ACOX2: variants seen among roughly 807,000 people sequenced by gnomAD.
ACOX2 encodes the protein acyl-CoA oxidase 2.
Under a neutral mutation model 77.5 loss-of-function variants are expected in ACOX2, and 59 were observed. The ratio of observed to expected loss-of-function variants is 0.76; its 90% confidence interval spans 0.62 to 0.95. The LOEUF is 0.95. Among genes scored for constraint, ACOX2 ranks in the 40% least tolerant of loss-of-function variants. ACOX2 has a pLI of 0.00. For missense variants in ACOX2, 837 were observed against 880.4 expected (o/e 0.95, Z 0.62); for synonymous variants, 317 against 340.1 (o/e 0.93, Z 0.75).
Position 58,531,316 on chromosome 3 carries a change from T to A in ACOX2, c.754A>T (p.Asn252Tyr). Residue 252 changes from asparagine to tyrosine, a missense_variant, in exon 7 of 15, where the codon AAT becomes TAT. By Grantham distance (143) the Asn-to-Tyr change is moderately radical. Transcript: ENST00000302819. The surrounding 1 kb of genome is among the most constrained non-coding windows in gnomAD (Gnocchi z 5.8). ...GPKMDFDQTD[N>Y]GFLQLNHVRV... ...ACATGGTTCAGCTGCAGGAAGCCAT[T>A]GTCTGTTTGATCAAAGTCCATCTTG... 3.1e-6 allele frequency: 5 copies of A among 1,613,872 alleles called. No homozygotes were observed. The highest frequency in any genetic ancestry group is 4.2e-6 in the Non-Finnish European group (5 of 1,180,014).
chr3:58,510,575 G>A (rs536441508), intron 13 of ACOX2, among the ~76,000 whole-genome samples: 1 of 137,780 alleles, frequency 7.3e-6, no homozygotes, highest in South Asian at 2.5e-4. Flanking sequence ...AGAGGTTGCA[G>A]TGAGCTGAGA....
chr3:58,514,692 C>T lies in ACOX2; in HGVS notation c.1850+2514G>A, dbSNP rs1020598047. 3.3e-5 allele frequency among the ~76,000 whole-genome samples: 5 copies of T among 152,316 alleles called. No homozygotes were observed. The highest frequency in any genetic ancestry group is 6.5e-5 in the Admixed American group (1 of 15,300). On this transcript the variant is annotated intron_variant, in intron 13 of 14. Coordinates refer to ENST00000302819, the MANE Select transcript of ACOX2 (RefSeq NM_003500.4). This position sits in a 1 kb window ranked among gnomAD's most constrained non-coding sequence, Gnocchi z 4.3. ...AGTAAGTTGGCAGATTGCATCTGGG[C>T]TGTCTGTCTTGTCTTGAATTGTAAG...
chr3:58,534,146 C>T lies in ACOX2; in HGVS notation c.324-1G>A. On this transcript the variant is annotated splice_acceptor_variant, in intron 3 of 14. Transcript: ENST00000302819. LOFTEE classifies it high-confidence loss of function. The surrounding 1 kb of genome is among the most constrained non-coding windows in gnomAD (Gnocchi z 4.8). ...TAAGGCCACGTCTCCAGAAAGGGCT[C>T]TGTTGGGGAGAGATGCTGTAGTTGA... The T allele has an allele frequency of 6.2e-7, 1 of 1,614,132 alleles. No homozygotes were observed. Among genetic ancestry groups the T allele is most frequent in the Non-Finnish European group, 8.5e-7 (1 of 1,180,020 alleles).
chr3:58,515,422 G>T lies in ACOX2; in HGVS notation c.1850+1784C>A, dbSNP rs971789698. Among the ~76,000 whole-genome samples the T allele has an allele frequency of 6.6e-6, 1 of 152,124 alleles. No individual in the cohort carries two copies. Among genetic ancestry groups the T allele is most frequent in the Non-Finnish European group, 1.5e-5 (1 of 68,026 alleles). On this transcript the variant is annotated intron_variant, in intron 13 of 14. Coordinates refer to ENST00000302819, the MANE Select transcript of ACOX2 (RefSeq NM_003500.4). This position sits in a 1 kb window ranked among gnomAD's most constrained non-coding sequence, Gnocchi z 4.0. ...TATTGTGAGAAATAAAAGGAATTTG[G>T]TCTAGTTTTTTAAAAACCTGTCTTA...
In ACOX2 at chr3:58,524,006, G is replaced by A. The variant is rs2063377098; in HGVS notation, c.1526+420C>T. ...AAATAAATGAATTCTATCCCGTGGTGTAGTCATATTTTCAAAAATTATTTT... is the reference window on the plus strand; with the variant it reads ...AAATAAATGAATTCTATCCCGTGGTATAGTCATATTTTCAAAAATTATTTT... On this transcript the variant is annotated intron_variant, in intron 11 of 14. Coordinates refer to ENST00000302819, the MANE Select transcript of ACOX2 (RefSeq NM_003500.4). The surrounding 1 kb of genome is among the most constrained non-coding windows in gnomAD (Gnocchi z 5.5). Among the ~76,000 whole-genome samples the A allele has an allele frequency of 6.6e-6, 1 of 152,190 alleles. No individual in the cohort carries two copies. Among genetic ancestry groups the A allele is most frequent in the African/African-American group, 2.4e-5 (1 of 41,448 alleles).
rs769163504 is a variant in ACOX2, at chr3:58,517,227, A to G, written c.1829T>C (p.Leu610Pro). ...AQVDMARTAY[L>P]DLLRLIRKDA... ...TCACCGGATCAGGCGGAGCAGGTCC[A>G]GGTAGGCTGTTCTTGCCATGTCCAC... The change falls in exon 13 of 15, where the codon CTG becomes CCG. Residue 610 changes from leucine to proline, a missense_variant. Physicochemically the swap from Leu to Pro is moderately conservative, Grantham distance 98 (BLOSUM62 -3). Transcript: ENST00000302819. The G allele has an allele frequency of 8.7e-6, 14 of 1,614,022 alleles. No individual in the cohort carries two copies. Among genetic ancestry groups the G allele is most frequent in the Admixed American group, 3.3e-5 (2 of 60,018 alleles).
chr3:58,517,716 G>A (rs2063331901), intron 12 of ACOX2, among the ~76,000 whole-genome samples: 2 of 152,094 alleles, frequency 1.3e-5, no homozygotes, highest in African/African-American at 4.8e-5. Context: ...TAGAAGGAAA[G>A]AATACAGGCA....
Position 58,533,343 on chromosome 3 carries a change from A to G in ACOX2, c.583+102T>C. 9.1e-7 allele frequency: 1 copy of G among 1,100,650 alleles called. No individual in the cohort carries two copies. The highest frequency in any genetic ancestry group is 1.3e-6 in the Non-Finnish European group (1 of 741,758). 68.2% of individuals were successfully genotyped at this position (1,100,650 alleles called of 1,614,324 possible). On this transcript the variant is annotated intron_variant, in intron 5 of 14. Transcript: ENST00000302819. The surrounding 1 kb of genome is among the most constrained non-coding windows in gnomAD (Gnocchi z 5.6). ...CCAAGGTCAGCAGCCTAGAACAGAA[A>G]ATCAATCTGAGGTCTGTTGGACCTC...
rs527414375 is a variant in ACOX2, at chr3:58,511,977, CT to C, written c.1851-2953del. Among the ~76,000 whole-genome samples, 1,039 of 152,308 alleles carry C rather than the reference CT, an allele frequency of 6.8e-3. 14 individuals are homozygous for C. The highest frequency in any genetic ancestry group is 0.024 in the African/African-American group (986 of 41,572). On this transcript the variant is annotated intron_variant, in intron 13 of 14. Transcript: ENST00000302819. ...AAGACTGAGTACTTGGACCTCTTCTCTTCATGCACTCCTTGTGATGTTCTTC... is the reference window on the plus strand; with the variant it reads ...AAGACTGAGTACTTGGACCTCTTCTCTCATGCACTCCTTGTGATGTTCTTC...
At position 58,526,573 on chromosome 3, in the gene ACOX2, G is replaced by A. The variant is rs371116080; in HGVS notation, c.1239C>T (p.Gly413=). The A allele has an allele frequency of 9.3e-6, 15 of 1,614,090 alleles. No homozygotes were observed. Among genetic ancestry groups the A allele is most frequent in the South Asian group, 6.6e-5 (6 of 91,090 alleles). Residue 413 remains glycine (G), a synonymous_variant, in exon 10 of 15, where the codon GGC becomes GGT. Coordinates refer to ENST00000302819, the MANE Select transcript of ACOX2 (RefSeq NM_003500.4). The surrounding 1 kb of genome is among the most constrained non-coding windows in gnomAD (Gnocchi z 4.3). ...CACTCAGCTTTGAGTAGCCATGTCC[G>A]CCACAGGCCCTGCGGCACATCTCAG... The part of the protein sequence containing the change: ...QGAEMCRRAC[G]GHGYSKLSGL...
At chr3:58,532,855 C>G (rs1004245446) in intron 5 of ACOX2, among the ~76,000 whole-genome samples, 1 of 152,170 alleles carries the variant, frequency 6.6e-6, no homozygotes, top group Admixed American at 6.5e-5. Flanking sequence ...GTGAAATTCT[C>G]AAGTTTGAGG....
At position 58,508,867 on chromosome 3, in the gene ACOX2, A is replaced by G. The variant is rs749223348; in HGVS notation, c.1983+26T>C. ...TGCCTGTTCTCTGCTTTCTTACATA[A>G]TTTATAATGTGTTCCACTCAACTAC... is the stretch of plus-strand genomic sequence containing the variant. On this transcript the variant is annotated intron_variant, in intron 14 of 14. Coordinates refer to ENST00000302819, the MANE Select transcript of ACOX2 (RefSeq NM_003500.4). 39 of 1,611,770 alleles carry G rather than the reference A, an allele frequency of 2.4e-5. 2 individuals carry two copies. The Admixed American group carries it at 6.5e-4, about 27-fold the overall frequency.
chr3:58,526,314 T>TAGGTTAGTCATACTGGGGA lies in ACOX2; in HGVS notation c.1346+133_1346+151dup, dbSNP rs1191703288. ...GAGAGGATGGTGGCCTAGAAGTGGA[T>TAGGTTAGTCATACTGGGGA]AGGTTAGTCATACTGGGGAATTGGA... is the stretch of plus-strand genomic sequence containing the variant. On this transcript the variant is annotated intron_variant, in intron 10 of 14. Transcript: ENST00000302819. The surrounding 1 kb of genome is among the most constrained non-coding windows in gnomAD (Gnocchi z 4.3). 7.2e-6 allele frequency: 6 copies of TAGGTTAGTCATACTGGGGA among 836,466 alleles called. No homozygotes were observed. In the African/African-American group the frequency reaches 1.0e-4, roughly 14 times the overall value. The allele number at this position is 836,466 out of a possible 1,614,324, so 51.8% of individuals were successfully genotyped here.
Position 58,528,687 on chromosome 3 carries a change from G to C in ACOX2, c.1155+107C>G. 7.4e-7 allele frequency: 1 copy of C among 1,353,084 alleles called. No homozygotes were observed. Among genetic ancestry groups the C allele is most frequent in the South Asian group, 1.8e-5 (1 of 56,024 alleles). The allele number at this position is 1,353,084 out of a possible 1,614,324, so 83.8% of individuals were successfully genotyped here. A position where few individuals can be genotyped will look rare whatever the true frequency, so the allele number is the denominator to read the frequency against. ...GGATGCTGAAAGCTGGGAGAGGTGG[G>C]GGTGGGGAGTGCCCATGGGGATGGG... On this transcript the variant is annotated intron_variant, in intron 9 of 14. Coordinates refer to ENST00000302819, the MANE Select transcript of ACOX2 (RefSeq NM_003500.4). The surrounding 1 kb of genome is among the most constrained non-coding windows in gnomAD (Gnocchi z 5.6).
chr3:58,531,451 A>G lies in ACOX2; in HGVS notation c.704-85T>C, dbSNP rs1560220322. 1 of 1,342,586 alleles carries G rather than the reference A, an allele frequency of 7.4e-7. No individual in the cohort carries two copies. The highest frequency in any genetic ancestry group is 1.0e-6 in the Non-Finnish European group (1 of 953,622). The allele number at this position is 1,342,586 out of a possible 1,614,324, so 83.2% of individuals were successfully genotyped here. A position where few individuals can be genotyped will look rare whatever the true frequency, so the allele number is the denominator to read the frequency against. On this transcript the variant is annotated intron_variant, in intron 6 of 14. Transcript: ENST00000302819. The surrounding 1 kb of genome is among the most constrained non-coding windows in gnomAD (Gnocchi z 5.8). ...GTATCATACACACATTCCAGGTCAC[A>G]GCAGCCTGTGACACTGGGATTATTG...
At position 58,522,411 on chromosome 3, in the gene ACOX2, A is replaced by C. The variant is rs2063364625; in HGVS notation, c.1632+85T>G. On this transcript the variant is annotated intron_variant, in intron 12 of 14. Coordinates refer to ENST00000302819, the MANE Select transcript of ACOX2 (RefSeq NM_003500.4). The surrounding 1 kb of genome is among the most constrained non-coding windows in gnomAD (Gnocchi z 4.3). ...GCCACTGAAGCAGAGTTGGGGAATA[A>C]TGGCAGAGCCCGGATTTTCCCAGCA... is the stretch of plus-strand genomic sequence containing the variant. 1 of 1,342,358 alleles carries C rather than the reference A, an allele frequency of 7.4e-7. No homozygotes were observed. Among genetic ancestry groups the C allele is most frequent in the Non-Finnish European group, 1.1e-6 (1 of 944,932 alleles). The allele number at this position is 1,342,358 out of a possible 1,614,324, so 83.2% of individuals were successfully genotyped here.
Position 58,512,553 on chromosome 3 carries a change from G to C in ACOX2, c.1851-3528C>G, listed in dbSNP as rs547804963. Among the ~76,000 whole-genome samples, 2 of 151,954 alleles carry C rather than the reference G, an allele frequency of 1.3e-5. No homozygotes were observed. The highest frequency in any genetic ancestry group is 2.4e-5 in the African/African-American group (1 of 41,350). ...AGTCTTTGCAATGATCTACCTTACC[G>C]TCTCTTCCCACCCCCTACTGTACTC... On this transcript the variant is annotated intron_variant, in intron 13 of 14. Coordinates refer to ENST00000302819, the MANE Select transcript of ACOX2 (RefSeq NM_003500.4). This position sits in a 1 kb window ranked among gnomAD's most constrained non-coding sequence, Gnocchi z 4.8.
At chr3:58,510,274 C>A (rs2063268791) in intron 13 of ACOX2, among the ~76,000 whole-genome samples, 1 of 152,050 alleles carries the variant, frequency 6.6e-6, no homozygotes, top group East Asian at 1.9e-4. Context: ...TGTCCCCCTG[C>A]CCCCTTGTGG....
chr3:58,533,191 GGATC>G lies in ACOX2; in HGVS notation c.583+250_583+253del, dbSNP rs1250842366. Among the ~76,000 whole-genome samples, 2 of 152,046 alleles carry G rather than the reference GGATC, an allele frequency of 1.3e-5. No individual in the cohort carries two copies. Among genetic ancestry groups the G allele is most frequent in the African/African-American group, 4.8e-5 (2 of 41,384 alleles). ...GTGTGAGTGAGGCCTTGTCTCTCAT[GGATC>G]GATTGTCTCCTCTACTTCAAAGTTC... On this transcript the variant is annotated intron_variant, in intron 5 of 14. Transcript: ENST00000302819. This position sits in a 1 kb window ranked among gnomAD's most constrained non-coding sequence, Gnocchi z 5.6.
Sources: allele counts gnomAD v4.1 joint callset (sites outside exome capture counted in the v4.1 genomes callset), GRCh38; gene constraint gnomAD v4.1.1; non-coding constraint Gnocchi (gnomAD v3.1); transcripts MANE v1.5; gene names NCBI Gene and HGNC (gene_info 2026-07-23, HGNC 2026-07-21).